The following MAP3K4 variants were observed in gnomAD, a reference collection of about 807,000 sequenced individuals.
The protein encoded by MAP3K4 is MAP three kinase 1.
In MAP3K4, 67 loss-of-function variants were observed where a neutral mutation model predicts 185.6. The observed-to-expected ratio is 0.36, with a 90% CI of 0.30 to 0.44. The LOEUF (loss-of-function observed/expected upper bound fraction) is 0.44, where lower values mean the gene tolerates loss of function less well. Among genes scored for constraint, MAP3K4 ranks in the 20% least tolerant of loss-of-function variants. The pLI is 1.00. For synonymous variants in MAP3K4, 702 were observed against 710.4 expected (o/e 0.99, Z 0.19); for missense variants, 1,551 against 1,995.1 (o/e 0.78, Z 4.24).
intron 1 of MAP3K4, among the ~76,000 whole-genome samples, chr6:161,019,957 A>G (rs1782301250): frequency 1.3e-5 from 2 of 152,230 alleles, no homozygotes; most frequent in South Asian, 4.1e-4. Flanking sequence ...AAATTATTTT[A>G]TTCACTGCAT....
Position 161,044,646 on chromosome 6 carries a change from T to G in MAP3K4, c.344-3970T>G, listed in dbSNP as rs9456615. Among the ~76,000 whole-genome samples the G allele has an allele frequency of 6.7e-3, 1,013 of 152,328 alleles. 5 individuals are homozygous for G. Among genetic ancestry groups the G allele is most frequent in the Non-Finnish European group, 9.6e-3 (651 of 68,020 alleles). ...CTCTTGGATTTACTCTCTGTGTCAG[T>G]CCATTTTGCGTTGGCTATAAAGGAA... On this transcript the variant is annotated intron_variant, in intron 2 of 26. Transcript: ENST00000392142.
chr6:161,083,553 G>C (rs1446725687), intron 6 of MAP3K4, among the ~76,000 whole-genome samples: 1 of 152,146 alleles, frequency 6.6e-6, no homozygotes, highest in Non-Finnish European at 1.5e-5. Flanking sequence ...CAGCATGGCC[G>C]CAGGACTTTC....
At chr6:161,050,227 A>C (rs1783939805) in intron 3 of MAP3K4, among the ~76,000 whole-genome samples, 5 of 152,194 alleles carry the variant, frequency 3.3e-5, no homozygotes, top group Admixed American at 3.3e-4. Context: ...TAAATACAGG[A>C]TGGCAAAGGA....
In MAP3K4 at chr6:161,048,909, A is replaced by G. The variant is rs773788469; in HGVS notation, c.637A>G (p.Thr213Ala). The G allele has an allele frequency of 1.2e-6, 2 of 1,614,152 alleles. No individual in the cohort carries two copies. Among genetic ancestry groups the G allele is most frequent in the South Asian group, 2.2e-5 (2 of 91,076 alleles). The change falls in exon 3 of 27, where the codon ACT becomes GCT. Residue 213 changes from threonine to alanine, a missense_variant. Thr to Ala is a moderately conservative substitution (Grantham distance 58). This residue lies in a region of MAP3K4 where 69 missense variants were observed against 124.8 expected (regional missense o/e 0.55). Transcript: ENST00000392142. This position sits in a 1 kb window ranked among gnomAD's most constrained non-coding sequence, Gnocchi z 4.7. ...PMPIARPARQ[T>A]SRTDCPADRL... ...GCCTATAGCCAGACCTGCACGCCAGACTTCTAGGACTGACTGTCCAGCAGA... is the reference window on the plus strand; with the variant it reads ...GCCTATAGCCAGACCTGCACGCCAGGCTTCTAGGACTGACTGTCCAGCAGA...
At chr6:161,040,123 T>C (rs1783383272) in intron 2 of MAP3K4, among the ~76,000 whole-genome samples, 1 of 152,196 alleles carries the variant, frequency 6.6e-6, no homozygotes, top group Non-Finnish European at 1.5e-5. Flanking sequence ...GAATACCTCG[T>C]TTCTTTGTAT....
intron 3 of MAP3K4, among the ~76,000 whole-genome samples, chr6:161,059,605 G>A (rs1189607869): frequency 6.6e-6 from 1 of 152,024 alleles, no homozygotes; most frequent in African/African-American, 2.4e-5. Context: ...TTCTATGATG[G>A]TTGTAAATAC....
At chr6:161,002,087 A>G (rs1781350794) in intron 1 of MAP3K4, among the ~76,000 whole-genome samples, 1 of 126,588 alleles carries the variant, frequency 7.9e-6, no homozygotes, top group Non-Finnish European at 1.6e-5. Flanking sequence ...TAGCTTTTCC[A>G]GATTCTCTCT....
chr6:161,032,124 A>G lies in MAP3K4; in HGVS notation c.153-2135A>G, dbSNP rs146105932. On this transcript the variant is annotated intron_variant, in intron 1 of 26. Coordinates refer to ENST00000392142, the MANE Select transcript of MAP3K4 (RefSeq NM_005922.4). ...CCTGGAGATTCAAAAGTAATAAAAT[A>G]TAGTCTTTTCTTAGTGTTTCCTTTA... Among the ~76,000 whole-genome samples, 25 of 152,364 alleles carry G rather than the reference A, an allele frequency of 1.6e-4. No individual in the cohort carries two copies. The East Asian group carries it at 4.2e-3, about 26-fold the overall frequency.
rs1193368927 is a variant in MAP3K4, at chr6:161,091,380, A to G, written c.2975A>G (p.Asn992Ser). Residue 992 changes from asparagine (N) to serine (S), a missense_variant and splice_region_variant, in exon 12 of 27, where the codon AAT becomes AGT. Physicochemically the swap from Asn to Ser is conservative, Grantham distance 46 (BLOSUM62 1). Coordinates refer to ENST00000392142, the MANE Select transcript of MAP3K4 (RefSeq NM_005922.4). This position sits in a 1 kb window ranked among gnomAD's most constrained non-coding sequence, Gnocchi z 5.5. Reference protein sequence around the residue: ...VIAKALQQLKNDALELCNRIS... With the variant: ...VIAKALQQLKSDALELCNRIS... ...TTAATCATGGTTTGGACTCTTCAGAATGATGCATTGGAGCTATGCAACAGG... is the reference window on the plus strand; with the variant it reads ...TTAATCATGGTTTGGACTCTTCAGAGTGATGCATTGGAGCTATGCAACAGG... 9 of 1,612,710 alleles carry G rather than the reference A, an allele frequency of 5.6e-6. No homozygotes were observed. The highest frequency in any genetic ancestry group is 7.6e-6 in the Non-Finnish European group (9 of 1,179,414).
At position 161,086,607 on chromosome 6, in the gene MAP3K4, C is replaced by G. The variant is rs764923342; in HGVS notation, c.2496C>G (p.Phe832Leu). The G allele has an allele frequency of 6.2e-7, 1 of 1,614,068 alleles. No individual in the cohort carries two copies. The highest frequency in any genetic ancestry group is 8.5e-7 in the Non-Finnish European group (1 of 1,179,992). The change falls in exon 9 of 27, where the codon TTC (phenylalanine) becomes TTG (leucine). Residue 832 changes from phenylalanine to leucine, a missense_variant. Physicochemically the swap from Phe to Leu is conservative, Grantham distance 22 (BLOSUM62 0). Coordinates refer to ENST00000392142, the MANE Select transcript of MAP3K4 (RefSeq NM_005922.4). This position sits in a 1 kb window ranked among gnomAD's most constrained non-coding sequence, Gnocchi z 4.8. ...AGGACCTGGAAATAGCAGCAGAATT[C>G]AGGCTTTCAGCCCCAGTTAGAGACC... ...LRKDLEIAAE[F>L]RLSAPVRDLL... is the part of the protein sequence containing the mutation.
chr6:161,059,054 T>C (rs1784372245), intron 3 of MAP3K4, among the ~76,000 whole-genome samples: 1 of 152,188 alleles, frequency 6.6e-6, no homozygotes, highest in Non-Finnish European at 1.5e-5. Context: ...CTATACTAAT[T>C]TATACTTAAA....
At chr6:161,026,242 T>C (rs1208902074) in intron 1 of MAP3K4, among the ~76,000 whole-genome samples, 1 of 152,028 alleles carries the variant, frequency 6.6e-6, no homozygotes, top group Non-Finnish European at 1.5e-5. Context: ...GCCATTCTCC[T>C]GCCTCAGCCT....
At chr6:161,003,231 T>C (rs1781411584) in intron 1 of MAP3K4, among the ~76,000 whole-genome samples, 1 of 151,476 alleles carries the variant, frequency 6.6e-6, no homozygotes, top group African/African-American at 2.4e-5. Flanking sequence ...TTCATACCAG[T>C]GTGAAAGACA....
At position 161,113,790 on chromosome 6, in the gene MAP3K4, C is replaced by CTTTTTTTT. The variant is rs963260228; in HGVS notation, c.4626+1034_4626+1041dup. Among the ~76,000 whole-genome samples the CTTTTTTTT allele has an allele frequency of 1.1e-3, 76 of 71,076 alleles. 1 individual carries two copies. Among genetic ancestry groups the CTTTTTTTT allele is most frequent in the African/African-American group, 1.2e-3 (21 of 17,068 alleles). The allele number at this position is 71,076 out of a possible 152,430, so 46.6% of individuals were successfully genotyped here. ...TTTTTTTTACTTAGCATATGAGTGA[C>CTTTTTTTT]TTTTTTTTTTTTTTTTTTTTTTTTT... On this transcript the variant is annotated intron_variant, in intron 25 of 26. Coordinates refer to ENST00000392142, the MANE Select transcript of MAP3K4 (RefSeq NM_005922.4).
At chr6:161,059,742 T>A (rs1478075310) in intron 3 of MAP3K4, among the ~76,000 whole-genome samples, 1 of 152,202 alleles carries the variant, frequency 6.6e-6, no homozygotes, top group Non-Finnish European at 1.5e-5. Context: ...GAGATTATTT[T>A]AAAATTTTAT....
At chr6:161,104,580 G>A (rs1265065878) in intron 19 of MAP3K4, among the ~76,000 whole-genome samples, 7 of 151,344 alleles carry the variant, frequency 4.6e-5, no homozygotes, top group African/African-American at 9.7e-5. Context: ...ACGTGGTGGT[G>A]CGCGCCTGTA....
rs1467697127 is a variant in MAP3K4 at position 161,114,106 on chromosome 6, A to G, written c.4627-1017A>G. On this transcript the variant is annotated intron_variant, in intron 25 of 26. Coordinates refer to ENST00000392142, the MANE Select transcript of MAP3K4 (RefSeq NM_005922.4). This position sits in a 1 kb window ranked among gnomAD's most constrained non-coding sequence, Gnocchi z 4.3. ...TTGAGAATACTATCTTTTAGAGAGTATATAAAGAAACACACATGTTTTGGA... is the reference window on the plus strand; with the variant it reads ...TTGAGAATACTATCTTTTAGAGAGTGTATAAAGAAACACACATGTTTTGGA... Among the ~76,000 whole-genome samples, 1 of 152,144 alleles carries G rather than the reference A, an allele frequency of 6.6e-6. No homozygotes were observed.
chr6:161,029,022 T>C (rs972250341), intron 1 of MAP3K4, among the ~76,000 whole-genome samples: 4 of 152,226 alleles, frequency 2.6e-5, no homozygotes, highest in African/African-American at 9.6e-5. Context: ...CTATACACAT[T>C]GTTTAAAGAA....
Position 161,070,898 on chromosome 6 carries a change from C to T in MAP3K4, c.1950+48C>T. The stretch of plus-strand genomic sequence containing the variant: ...AATATTTAGCAATTATTATATTATC[C>T]TACAGGCTTATCATTTTTATTTTGA... On this transcript the variant is annotated intron_variant, in intron 4 of 26. Coordinates refer to ENST00000392142, the MANE Select transcript of MAP3K4 (RefSeq NM_005922.4). This position sits in a 1 kb window ranked among gnomAD's most constrained non-coding sequence, Gnocchi z 4.5. The T allele has an allele frequency of 6.8e-7, 1 of 1,467,774 alleles. No homozygotes were observed. Among genetic ancestry groups the T allele is most frequent in the Non-Finnish European group, 9.1e-7 (1 of 1,101,712 alleles). 90.9% of individuals were successfully genotyped at this position (1,467,774 alleles called of 1,614,324 possible). A position where few individuals can be genotyped will look rare whatever the true frequency, so the allele number is the denominator to read the frequency against.
Sources: allele counts gnomAD v4.1 joint callset (sites outside exome capture counted in the v4.1 genomes callset), GRCh38; gene constraint gnomAD v4.1.1; regional missense constraint gnomAD v4.1.1; non-coding constraint Gnocchi (gnomAD v3.1); transcripts MANE v1.5; gene names NCBI Gene and HGNC (gene_info 2026-07-23, HGNC 2026-07-21).